GALNT12: variants seen among roughly 807,000 people sequenced by gnomAD.
The protein encoded by GALNT12 is polypeptide N-acetylgalactosaminyltransferase 12.
In GALNT12, 45 loss-of-function variants were observed where a neutral mutation model predicts 55.5. That is an observed-to-expected ratio of 0.81 (90% CI 0.64 to 1.04). The LOEUF is 1.04. Among genes scored for constraint, GALNT12 ranks in the 50% least tolerant of loss-of-function variants. The pLI, the probability that GALNT12 is intolerant of heterozygous loss-of-function variation, is 0.00. For synonymous variants in GALNT12, 304 were observed against 312.2 expected (o/e 0.97, Z 0.28); for missense variants, 709 against 754.8 (o/e 0.94, Z 0.71).
At position 98,849,723 on chromosome 9, in the gene GALNT12, A is replaced by C. The variant is rs1588461813; in HGVS notation, c.*631A>C. 1 of 399,304 alleles carries C rather than the reference A, an allele frequency of 2.5e-6. No individual in the cohort carries two copies. The highest frequency in any genetic ancestry group is 3.6e-5 in the East Asian group (1 of 28,026). The allele number at this position is 399,304 out of a possible 1,614,324, so 24.7% of individuals were successfully genotyped here. ...CCAAAGAGGACTAACCAAAGCTGAA[A>C]TCTCAGAGAACAATTTGCTTTACTA... On this transcript the variant is annotated 3_prime_UTR_variant, in exon 10 of 10. Transcript: ENST00000375011.
At chr9:98,820,247 C>G (rs1455354557) in intron 1 of GALNT12, among the ~76,000 whole-genome samples, 2 of 152,162 alleles carry the variant, frequency 1.3e-5, no homozygotes, top group South Asian at 2.1e-4. Context: ...ACTCTCCCTC[C>G]TCCCACCCCC....
At chr9:98,827,485 T>C (rs374082983) in intron 3 of GALNT12, among the ~76,000 whole-genome samples, 176 of 152,294 alleles carry the variant, frequency 1.2e-3, no homozygotes, top group African/African-American at 4.2e-3. Context: ...TTATTCCTTT[T>C]TATCCGGGCT....
rs1163186722 is a variant in GALNT12, at chr9:98,844,119, C to A, written c.1368C>A (p.Asp456Glu). Residue 456 changes from aspartate to glutamate, a missense_variant, in exon 8 of 10, where the codon GAC (aspartate) becomes GAA (glutamate). Around this residue, in one of 5 missense-constraint regions of GALNT12, gnomAD observed 262 missense variants for 310.7 expected, o/e 0.84. Transcript: ENST00000375011. ...AGCTCCAGAACAAAGGACTAACAGA[C>A]TACTGCTTTGACTATAACCCTCCCG... ...FGMLQNKGLT[D>E]YCFDYNPPDE... 2.5e-6 allele frequency: 4 copies of A among 1,613,166 alleles called. No individual in the cohort carries two copies. Among genetic ancestry groups the A allele is most frequent in the African/African-American group, 1.3e-5 (1 of 74,910 alleles).
Position 98,832,420 on chromosome 9 carries a change from G to GA in GALNT12, c.917+464dup, listed in dbSNP as rs1170187153. Among the ~76,000 whole-genome samples, 9 of 152,280 alleles carry GA rather than the reference G, an allele frequency of 5.9e-5. No homozygotes were observed. The East Asian group carries it at 1.7e-3, about 29-fold the overall frequency. ...TGTAGGCCTAGCTAGCTGGAAGGCT[G>GA]AGATAGGAGGATCGCTTGAGTCAAG... On this transcript the variant is annotated intron_variant, in intron 4 of 9. Coordinates refer to ENST00000375011, the MANE Select transcript of GALNT12 (RefSeq NM_024642.5).
intron 1 of GALNT12, among the ~76,000 whole-genome samples, chr9:98,811,832 G>A (rs947703727): frequency 2.0e-5 from 3 of 151,868 alleles, no homozygotes; most frequent in African/African-American, 4.8e-5. Context: ...ATAGGCAAGC[G>A]CCACCACACC....
At chr9:98,825,600 TAC>T (rs1039025627) in intron 2 of GALNT12, among the ~76,000 whole-genome samples, 1 of 152,232 alleles carries the variant, frequency 6.6e-6, no homozygotes, top group African/African-American at 2.4e-5. Flanking sequence ...GTTCACTGGG[TAC>T]AGTAGCTAAT....
At chr9:98,820,344 G>A (rs2118334964) in intron 1 of GALNT12, among the ~76,000 whole-genome samples, 1 of 152,316 alleles carries the variant, frequency 6.6e-6, no homozygotes, top group Admixed American at 6.5e-5. Context: ...AGAACATGTG[G>A]TATTTGGTTT....
chr9:98,815,435 T>C (rs1835590034), intron 1 of GALNT12, among the ~76,000 whole-genome samples: 1 of 152,226 alleles, frequency 6.6e-6, no homozygotes. Context: ...AAATGCATTT[T>C]CTACTTAGAA....
At position 98,844,229 on chromosome 9, in the gene GALNT12, G is replaced by C. The variant is rs761463316; in HGVS notation, c.1458+20G>C. On this transcript the variant is annotated intron_variant, in intron 8 of 9. Coordinates refer to ENST00000375011, the MANE Select transcript of GALNT12 (RefSeq NM_024642.5). ...AATCAGGTAGGTATGAGCCTCAAAA[G>C]AGGAGAAAGCTGTGTGTTTTGTTAA... 7.1e-7 allele frequency: 1 copy of C among 1,399,832 alleles called. No individual in the cohort carries two copies. The highest frequency in any genetic ancestry group is 1.7e-5 in the Admixed American group (1 of 59,712). The allele number at this position is 1,399,832 out of a possible 1,614,324, so 86.7% of individuals were successfully genotyped here.
chr9:98,821,521 A>G (rs1472298654), intron 1 of GALNT12, among the ~76,000 whole-genome samples: 2 of 150,444 alleles, frequency 1.3e-5, no homozygotes, highest in African/African-American at 4.9e-5. Context: ...GCTACTCAGG[A>G]GGCTGAGGTG....
At chr9:98,842,341 C>T (rs963104346) in intron 7 of GALNT12, among the ~76,000 whole-genome samples, 5 of 151,960 alleles carry the variant, frequency 3.3e-5, no homozygotes, top group Non-Finnish European at 7.4e-5. Flanking sequence ...CACCACCACA[C>T]CTGGCTAATT....
chr9:98,832,611 A>G (rs773605010), intron 4 of GALNT12, among the ~76,000 whole-genome samples: 8 of 152,206 alleles, frequency 5.3e-5, no homozygotes, highest in Non-Finnish European at 7.3e-5. Context: ...ACCTATTTCC[A>G]GGAATTTTTC....
intron 9 of GALNT12, among the ~76,000 whole-genome samples, chr9:98,846,328 G>T (rs1836413642): frequency 1.3e-5 from 2 of 152,158 alleles, no homozygotes; most frequent in Admixed American, 1.3e-4. Context: ...CTGGCACACG[G>T]TGTCATTAGC....
At chr9:98,821,236 C>G (rs1398384574) in intron 1 of GALNT12, among the ~76,000 whole-genome samples, 8 of 152,092 alleles carry the variant, frequency 5.3e-5, no homozygotes, top group Non-Finnish European at 1.2e-4. Context: ...TCTCGAACTC[C>G]TGGCCTCAAG....
At chr9:98,821,979 A>G (rs1164342047) in intron 1 of GALNT12, among the ~76,000 whole-genome samples, 1 of 152,234 alleles carries the variant, frequency 6.6e-6, no homozygotes, top group Non-Finnish European at 1.5e-5. Context: ...CCTATCTGAC[A>G]TGCGGTAGGT....
chr9:98,832,185 A>C (rs1298158753), intron 4 of GALNT12, among the ~76,000 whole-genome samples: 1 of 152,168 alleles, frequency 6.6e-6, no homozygotes, highest in Non-Finnish European at 1.5e-5. Flanking sequence ...TTGTGGTAAA[A>C]TATACATCAT....
chr9:98,820,180 C>A (rs1426939645), intron 1 of GALNT12, among the ~76,000 whole-genome samples: 1 of 152,192 alleles, frequency 6.6e-6, no homozygotes, highest in African/African-American at 2.4e-5. Context: ...GTTTGTTGTA[C>A]AGATCATCTC....
At chr9:98,809,738 C>T (rs1835452799) in intron 1 of GALNT12, among the ~76,000 whole-genome samples, 1 of 152,238 alleles carries the variant, frequency 6.6e-6, no homozygotes, top group African/African-American at 2.4e-5. Context: ...TTTTGAGAGT[C>T]ATCCAGGGAT....
intron 6 of GALNT12, 73 bp from the exon 7 acceptor site, chr9:98,839,929 C>T (rs1352835165): frequency 1.3e-5 from 21 of 1,584,820 alleles, no homozygotes; most frequent in Non-Finnish European, 1.6e-5. Context: ...AGTAAGTGAG[C>T]ATCAGTGAAC....
Sources: allele counts gnomAD v4.1 joint callset (sites outside exome capture counted in the v4.1 genomes callset), GRCh38; gene constraint gnomAD v4.1.1; regional missense constraint gnomAD v4.1.1; transcripts MANE v1.5; gene names NCBI Gene and HGNC (gene_info 2026-07-23, HGNC 2026-07-21).